The following KAZN variants were observed in gnomAD, a reference collection of about 807,000 sequenced individuals.
The protein encoded by KAZN is kazrin.
KAZN carries 40 observed loss-of-function variants against 87.4 expected under a neutral mutation model. The observed-to-expected ratio is 0.46, with a 90% confidence interval of 0.36 to 0.60. KAZN has a LOEUF of 0.60. Ranked by LOEUF, KAZN falls within the 20% of genes least tolerant of loss-of-function variation. The probability of loss-of-function intolerance (pLI) is 0.00; values close to 1 mark genes in which losing one functional copy is unlikely to be tolerated. For synonymous variants in KAZN, 466 were observed against 458.3 expected (o/e 1.02, Z -0.22); for missense variants, 898 against 1,073.9 (o/e 0.84, Z 2.29).
chr1:14,658,348 G>A (rs1247117171), intron 1 of KAZN, among the ~76,000 whole-genome samples: 1 of 152,122 alleles, frequency 6.6e-6, no homozygotes, highest in Admixed American at 6.5e-5. Context: ...AAATAAATGT[G>A]AGCTGATATT....
chr1:14,308,896 C>T (rs546469337), intron 2 of KAZN, among the ~76,000 whole-genome samples: 2 of 152,222 alleles, frequency 1.3e-5, no homozygotes, highest in African/African-American at 2.4e-5. Flanking sequence ...GCTCTAAAGA[C>T]GAGCAAATTG....
chr1:14,369,620 C>A (rs534135056), intron 2 of KAZN, among the ~76,000 whole-genome samples: 2 of 152,210 alleles, frequency 1.3e-5, no homozygotes, highest in African/African-American at 2.4e-5. Flanking sequence ...GATGAATTGC[C>A]CTTTAAGGGC....
At chr1:14,188,553 A>G (rs1006747646) in intron 2 of KAZN, among the ~76,000 whole-genome samples, 3 of 152,136 alleles carry the variant, frequency 2.0e-5, no homozygotes, top group Non-Finnish European at 4.4e-5. Context: ...TTCGAATTTC[A>G]TGAGACATAG....
intron 2 of KAZN, among the ~76,000 whole-genome samples, chr1:14,364,895 G>GT (rs962359400): frequency 2.6e-5 from 4 of 151,978 alleles, no homozygotes; most frequent in Admixed American, 1.3e-4. Context: ...TCCTTCCTCT[G>GT]TTTTTTTGTT....
chr1:14,352,758 T>C (rs1332031976), intron 2 of KAZN, among the ~76,000 whole-genome samples: 1 of 152,102 alleles, frequency 6.6e-6, no homozygotes, highest in Non-Finnish European at 1.5e-5. Flanking sequence ...AAAAATTGCA[T>C]CCAAACAAGG....
intron 2 of KAZN, among the ~76,000 whole-genome samples, chr1:14,188,142 T>A (rs80173462): frequency 7.3e-5 from 11 of 151,436 alleles, no homozygotes; most frequent in African/African-American, 2.7e-4. Flanking sequence ...GACATTCTCT[T>A]TGAACATGAC....
chr1:15,112,762 C>G (rs1641697310), intron 14 of KAZN: 1 of 482,162 alleles, frequency 2.1e-6, no homozygotes, highest in Admixed American at 3.3e-5. Flanking sequence ...CGAGTAGCAC[C>G]TGGATCTCAA....
chr1:14,012,224 G>C (rs1177040026), intron 1 of KAZN, among the ~76,000 whole-genome samples: 1 of 152,142 alleles, frequency 6.6e-6, no homozygotes, highest in South Asian at 2.1e-4. Context: ...CAGGAGCTGT[G>C]CCCCATTTTG....
chr1:14,570,375 AC>A (rs1386256703), intron 2 of KAZN, among the ~76,000 whole-genome samples: 3 of 152,192 alleles, frequency 2.0e-5, no homozygotes, highest in East Asian at 3.8e-4. Flanking sequence ...CAAACCTTGT[AC>A]CTTTTTACCC....
At chr1:13,965,275 G>A (rs1641901968) in intron 1 of KAZN, among the ~76,000 whole-genome samples, 1 of 152,158 alleles carries the variant, frequency 6.6e-6, no homozygotes, top group African/African-American at 2.4e-5. Context: ...GGGACCTGAT[G>A]GGAGGCTCCT....
upstream of KAZN, among the ~76,000 whole-genome samples, chr1:14,594,273 T>A (rs1172348575): frequency 2.6e-5 from 4 of 152,242 alleles, no homozygotes; most frequent in Admixed American, 2.6e-4. Flanking sequence ...CATACGGCTG[T>A]GCTGTCAGCA....
chr1:14,230,335 ACTGT>A (rs1223146837), intron 2 of KAZN, among the ~76,000 whole-genome samples: 8 of 152,360 alleles, frequency 5.3e-5, no homozygotes, highest in Non-Finnish European at 8.8e-5. Context: ...TGTATTGGGC[ACTGT>A]CTAACAGCCA....
At chr1:14,499,028 T>A (rs1670100984) in intron 2 of KAZN, among the ~76,000 whole-genome samples, 2 of 152,136 alleles carry the variant, frequency 1.3e-5, no homozygotes, top group Non-Finnish European at 2.9e-5. Flanking sequence ...TCAATTAACC[T>A]TATTGACGGT....
At chr1:15,017,533 G>A (rs11578211) in intron 2 of KAZN, among the ~76,000 whole-genome samples, 12,514 of 152,226 alleles carry the variant, frequency 0.082, 614 homozygotes, top group East Asian at 0.16. Context: ...GCCAGGCGCG[G>A]TGGCTCACGC....
At chr1:14,257,263 GTCT>G (rs1445970777) in intron 2 of KAZN, among the ~76,000 whole-genome samples, 1 of 151,178 alleles carries the variant, frequency 6.6e-6, no homozygotes, top group Non-Finnish European at 1.5e-5. Context: ...CTGCATAAAT[GTCT>G]TCTTTTGAGA....
rs1433233879 is a variant in KAZN, at chr1:14,675,519, G to A, written c.226+76296G>A. 2.0e-5 allele frequency among the ~76,000 whole-genome samples: 3 copies of A among 152,258 alleles called. No homozygotes were observed. The South Asian group carries it at 6.2e-4, about 32-fold the overall frequency. On this transcript the variant is annotated intron_variant, in intron 1 of 14. Coordinates refer to ENST00000376030, the MANE Select transcript of KAZN (RefSeq NM_201628.3). Reference sequence around the variant, plus strand: ...TCCTCAGTGCCTGGACAAGTGTGTGGCATCCAGTCAAGGAGGGCAGGAGGC... The same window carrying A: ...TCCTCAGTGCCTGGACAAGTGTGTGACATCCAGTCAAGGAGGGCAGGAGGC...
At position 14,923,603 on chromosome 1, in the gene KAZN, C is replaced by T. The variant is rs1026089544; in HGVS notation, c.227-37081C>T. On this transcript the variant is annotated intron_variant, in intron 1 of 14. Transcript: ENST00000376030. The surrounding 1 kb of genome is among the most constrained non-coding windows in gnomAD (Gnocchi z 4.2). ...TGAGGCTGGGGAAGTGAGGTGAAGT[C>T]ACAGGGCCTCCCACCAGATCTCAGC... Among the ~76,000 whole-genome samples the T allele has an allele frequency of 3.3e-5, 5 of 152,226 alleles. No individual in the cohort carries two copies. The highest frequency in any genetic ancestry group is 1.2e-4 in the African/African-American group (5 of 41,464).
intron 2 of KAZN, among the ~76,000 whole-genome samples, chr1:14,443,879 A>T (rs1458109057): frequency 1.3e-5 from 2 of 152,332 alleles, no homozygotes; most frequent in East Asian, 1.9e-4. Context: ...TTTGAATAAA[A>T]GAGTTCCCAG....
In KAZN at chr1:15,066,816, C is replaced by T. The variant is rs543096453; in HGVS notation, c.1222+1063C>T. ...TTTCTGTTGGTTCTTCTCTCTCCTT[C>T]TCTCTCTGTCTCTCCCATTCTCCTG... On this transcript the variant is annotated intron_variant, in intron 8 of 14. Transcript: ENST00000376030. This position sits in a 1 kb window ranked among gnomAD's most constrained non-coding sequence, Gnocchi z 4.3. The T allele has an allele frequency of 3.0e-6, 3 of 985,484 alleles. No homozygotes were observed. Among genetic ancestry groups the T allele is most frequent in the Non-Finnish European group, 3.6e-6 (3 of 829,994 alleles). The allele number at this position is 985,484 out of a possible 1,614,324, so 61.0% of individuals were successfully genotyped here.
Sources: allele counts gnomAD v4.1 joint callset (sites outside exome capture counted in the v4.1 genomes callset), GRCh38; gene constraint gnomAD v4.1.1; non-coding constraint Gnocchi (gnomAD v3.1); transcripts MANE v1.5; gene names NCBI Gene and HGNC (gene_info 2026-07-23, HGNC 2026-07-21).